The following PRIM2 variants were observed in gnomAD, a reference collection of about 807,000 sequenced individuals.
The protein encoded by PRIM2 is DNA primase subunit 2.
Under a neutral mutation model 67.3 loss-of-function variants are expected in PRIM2, and 39 were observed. The ratio of observed to expected loss-of-function variants is 0.58; its 90% CI spans 0.45 to 0.76. The LOEUF (loss-of-function observed/expected upper bound fraction) is 0.76. PRIM2 is among the 30% of genes least tolerant of loss of function. The pLI, the probability that PRIM2 is intolerant of heterozygous loss-of-function variation, is 0.00. For missense variants in PRIM2, 398 were observed against 598.7 expected, an observed-to-expected ratio of 0.66 and a Z score of 3.50; for synonymous variants, 143 against 198.7, an observed-to-expected ratio of 0.72 and a Z score of 2.36.
chr6:57,405,780 G>T (rs1400300391), intron 7 of PRIM2, among the ~76,000 whole-genome samples: 1 of 147,316 alleles, frequency 6.8e-6, no homozygotes, highest in African/African-American at 2.6e-5. Flanking sequence ...AGCTTTCAGG[G>T]TGCCTAGTAT....
intron 7 of PRIM2, among the ~76,000 whole-genome samples, chr6:57,471,014 G>A (rs1340963890): frequency 4.6e-5 from 7 of 152,214 alleles, no homozygotes; most frequent in Middle Eastern, 3.4e-3. Flanking sequence ...GCATTGGTGG[G>A]AAATTATAAT....
intron 7 of PRIM2, among the ~76,000 whole-genome samples, chr6:57,408,684 A>G (rs1770983451): frequency 6.6e-6 from 1 of 152,066 alleles, no homozygotes; most frequent in Non-Finnish European, 1.5e-5. Flanking sequence ...GCTTTTGTTG[A>G]TCTGCATTGT....
chr6:57,342,331 C>T (rs1768521414), intron 5 of PRIM2, among the ~76,000 whole-genome samples: 1 of 152,030 alleles, frequency 6.6e-6, no homozygotes, highest in Non-Finnish European at 1.5e-5. Context: ...TATTGCTGTC[C>T]ATGGTGACTA....
At chr6:57,615,089 G>T (rs1280214757) in intron 12 of PRIM2, among the ~76,000 whole-genome samples, 1 of 151,962 alleles carries the variant, frequency 6.6e-6, no homozygotes, top group Non-Finnish European at 1.5e-5. Context: ...TTAAAAACCT[G>T]CAATTTTGTG....
chr6:57,481,206 T>C (rs1773620137), intron 7 of PRIM2, among the ~76,000 whole-genome samples: 1 of 152,168 alleles, frequency 6.6e-6, no homozygotes, highest in African/African-American at 2.4e-5. Context: ...GCAAGAAAGA[T>C]ACAGAACTAT....
At chr6:57,545,483 T>C (rs1340575921) in intron 10 of PRIM2, among the ~76,000 whole-genome samples, 1 of 152,134 alleles carries the variant, frequency 6.6e-6, no homozygotes, top group Non-Finnish European at 1.5e-5. Context: ...CAGGCTGGAG[T>C]GCAGTGGCGT....
intron 5 of PRIM2, among the ~76,000 whole-genome samples, chr6:57,349,433 A>G (rs1288082787): frequency 6.6e-6 from 1 of 150,850 alleles, no homozygotes. Flanking sequence ...TCAATTATGT[A>G]TGCCACTATT....
intron 12 of PRIM2, among the ~76,000 whole-genome samples, chr6:57,611,510 T>C (rs2127494366): frequency 6.6e-6 from 1 of 152,246 alleles, no homozygotes; most frequent in African/African-American, 2.4e-5. Context: ...GCCAGGGCAA[T>C]TTAATAAGGA....
intron 8 of PRIM2, among the ~76,000 whole-genome samples, chr6:57,530,673 T>C (rs1320281314): frequency 6.6e-6 from 1 of 152,062 alleles, no homozygotes; most frequent in Non-Finnish European, 1.5e-5. Flanking sequence ...TCTTAGCCTG[T>C]AGGAGGAGGA....
At chr6:57,577,683 C>G (rs1242114354) in intron 10 of PRIM2, among the ~76,000 whole-genome samples, 1 of 152,132 alleles carries the variant, frequency 6.6e-6, no homozygotes, top group Non-Finnish European at 1.5e-5. Context: ...CCCACCTCAG[C>G]CTCCCAAAGT....
At chr6:57,295,190 C>T in the PRIM2 span, among the ~76,000 whole-genome samples, 1 of 152,156 alleles carries the variant, frequency 6.6e-6, no homozygotes, top group Admixed American at 6.5e-5. Context: ...AAAAACTTCA[C>T]CCAAAAAGTC....
intron 7 of PRIM2, among the ~76,000 whole-genome samples, chr6:57,450,714 T>C (rs1275584831): frequency 1.3e-5 from 2 of 152,240 alleles, no homozygotes; most frequent in African/African-American, 4.8e-5. Context: ...CAGTAAGTGA[T>C]TTATAAAGCA....
intron 5 of PRIM2, among the ~76,000 whole-genome samples, chr6:57,357,004 G>T (rs556062759): frequency 1.4e-5 from 2 of 146,754 alleles, no homozygotes; most frequent in East Asian, 4.0e-4. Context: ...TGCAATCTCA[G>T]CTCACTGCAA....
At chr6:57,410,064 A>G (rs1274114262) in intron 7 of PRIM2, among the ~76,000 whole-genome samples, 2 of 152,120 alleles carry the variant, frequency 1.3e-5, no homozygotes, top group Admixed American at 6.5e-5. Context: ...CACGCCTGTA[A>G]TCCCAGCACT....
intron 12 of PRIM2, among the ~76,000 whole-genome samples, chr6:57,613,910 G>T (rs1327425451): frequency 2.0e-5 from 3 of 152,056 alleles, no homozygotes; most frequent in Admixed American, 2.0e-4. Flanking sequence ...GGAGTGCAAT[G>T]GTGCGATCTC....
At chr6:57,577,047 A>G (rs1340401106) in intron 10 of PRIM2, among the ~76,000 whole-genome samples, 3 of 152,164 alleles carry the variant, frequency 2.0e-5, no homozygotes, top group Non-Finnish European at 4.4e-5. Context: ...ACAGAAAACC[A>G]TGTTTCCCCA....
At chr6:57,535,087 C>T (rs1199293263) in intron 9 of PRIM2, among the ~76,000 whole-genome samples, 1 of 151,992 alleles carries the variant, frequency 6.6e-6, no homozygotes, top group African/African-American at 2.4e-5. Context: ...GGGCTGTACA[C>T]ATAGTAAGTG....
chr6:57,530,483 G>T (rs1165655691), intron 8 of PRIM2, among the ~76,000 whole-genome samples: 1 of 152,186 alleles, frequency 6.6e-6, no homozygotes, highest in Admixed American at 6.5e-5. Context: ...GATGACTTTT[G>T]TCTTTGTGAA....
At position 57,398,700 on chromosome 6, in the gene PRIM2, C is replaced by T. The variant is rs11752056; in HGVS notation, c.693+16532C>T. On this transcript the variant is annotated intron_variant, in intron 7 of 13. Coordinates refer to ENST00000615550, the MANE Select transcript of PRIM2 (RefSeq NM_000947.5). Reference sequence around the variant, plus strand: ...GTTGAGTTCAGGTCCTAAATATCTTCGTTAATTTTCTGCCTCAATGATTTG... The same window carrying T: ...GTTGAGTTCAGGTCCTAAATATCTTTGTTAATTTTCTGCCTCAATGATTTG... 2.9e-4 allele frequency among the ~76,000 whole-genome samples: 44 copies of T among 152,184 alleles called. 1 individual carries two copies. Among genetic ancestry groups the T allele is most frequent in the African/African-American group, 8.7e-4 (36 of 41,536 alleles).
Sources: allele counts gnomAD v4.1 joint callset (sites outside exome capture counted in the v4.1 genomes callset), GRCh38; gene constraint gnomAD v4.1.1; transcripts MANE v1.5; gene names NCBI Gene and HGNC (gene_info 2026-07-23, HGNC 2026-07-21).